CKM: variants seen among roughly 807,000 people sequenced by gnomAD.
CKM encodes creatine kinase, M-type.
CKM carries 28 observed loss-of-function variants against 35.4 expected under a neutral mutation model. The observed-to-expected ratio is 0.79, with a 90% CI of 0.59 to 1.08. The LOEUF (loss-of-function observed/expected upper bound fraction) is 1.08. Among genes scored for constraint, CKM ranks in the 50% least tolerant of loss-of-function variants. CKM has a pLI of 0.00. For missense variants in CKM, 484 were observed against 509.8 expected, an observed-to-expected ratio of 0.95 and a Z score of 0.49; for synonymous variants, 215 against 204.4, an observed-to-expected ratio of 1.05 and a Z score of -0.44.
At chr19:45,311,314 A>G (rs1454169440) in intron 5 of CKM, among the ~76,000 whole-genome samples, 4 of 150,504 alleles carry the variant, frequency 2.7e-5, no homozygotes, top group African/African-American at 9.8e-5. Flanking sequence ...GCTCACTGCA[A>G]CCTCCGCCAC....
rs372500800 is a variant in CKM, at chr19:45,316,414, T to C, written c.349-817A>G. ...CCTGGGCTCAAACAGTCCTCCTGCC[T>C]CAGCCTCCCAACGTGATGGGATTAC... On this transcript the variant is annotated intron_variant, in intron 3 of 7. Coordinates refer to ENST00000221476, the MANE Select transcript of CKM (RefSeq NM_001824.5). 6.8e-4 allele frequency among the ~76,000 whole-genome samples: 102 copies of C among 151,078 alleles called. 1 individual carries two copies. The East Asian group carries it at 0.01, about 15-fold the overall frequency.
chr19:45,320,516 ATCCGGAG>A (rs1971203761), intron 1 of CKM, among the ~76,000 whole-genome samples: 1 of 152,240 alleles, frequency 6.6e-6, no homozygotes, highest in Non-Finnish European at 1.5e-5. Flanking sequence ...GCAGGAAGGC[ATCCGGAG>A]TCTTAGATCA....
chr19:45,308,596 CT>C, intron 5 of CKM, 64 bp from the exon 6 acceptor site: 1 of 1,609,534 alleles, frequency 6.2e-7, no homozygotes, highest in Admixed American at 1.7e-5. Context: ...ATTCCCAGCC[CT>C]CCCCCAAAAC....
chr19:45,319,795 C>CT (rs372944853), intron 1 of CKM, 64 bp from the exon 2 acceptor site: 103,463 of 973,512 alleles, frequency 0.11, 18 homozygotes, highest in East Asian at 0.12. Context: ...TCTTCTTCTT[C>CT]TTTTTTTTTT....
At position 45,319,466 on chromosome 19, in the gene CKM, G is replaced by A. The variant is rs561239872; in HGVS notation, c.193+55C>T. 122 of 1,454,622 alleles carry A rather than the reference G, an allele frequency of 8.4e-5. No individual in the cohort carries two copies. The South Asian group carries it at 1.2e-3, about 14-fold the overall frequency. 90.1% of individuals were successfully genotyped at this position (1,454,622 alleles called of 1,614,324 possible). On this transcript the variant is annotated intron_variant, in intron 2 of 7. Transcript: ENST00000221476. ...AGGGTGGTGGGATTGGGGCATGGCCGGCAGCCTCCAGAGCCCCCATGTAGC... is the reference window on the plus strand; with the variant it reads ...AGGGTGGTGGGATTGGGGCATGGCCAGCAGCCTCCAGAGCCCCCATGTAGC...
Position 45,317,914 on chromosome 19 carries a change from C to G in CKM, c.259G>C (p.Glu87Gln). The change falls in exon 3 of 8, where the codon GAA becomes CAA. Residue 87 changes from glutamate (E) to glutamine (Q), a missense_variant. Glu to Gln is a conservative substitution (Grantham distance 29). Transcript: ENST00000221476. ...GDEESYEVFK[E>Q]LFDPIISDRH... Reference sequence around the variant, plus strand: ...TCCGAGATGATGGGGTCAAAGAGTTCCTTGAAAACTTCGTAGGACTCCTCA... The same window carrying G: ...TCCGAGATGATGGGGTCAAAGAGTTGCTTGAAAACTTCGTAGGACTCCTCA... 1 of 1,613,834 alleles carries G rather than the reference C, an allele frequency of 6.2e-7. No individual in the cohort carries two copies. Among genetic ancestry groups the G allele is most frequent in the East Asian group, 2.2e-5 (1 of 44,876 alleles).
At chr19:45,319,763 G>A (rs767923284) in intron 1 of CKM, 32 bp from the exon 2 acceptor site, 4 of 1,519,558 alleles carry the variant, frequency 2.6e-6, no homozygotes, top group Non-Finnish European at 1.8e-6. Context: ...GAAGATTGAA[G>A]ATTAGCTGGC....
Position 45,308,479 on chromosome 19 carries a change from C to T in CKM, c.707G>A (p.Arg236Gln), listed in dbSNP as rs367853842. ...GCCCCCCTTCTCCATGGAGATGACC[C>T]GGAGGTGATCCTCCTCGTTCACCCA... ...LVWVNEEDHLRVISMEKGGNM... is the reference protein window; with the variant it reads ...LVWVNEEDHLQVISMEKGGNM... The change falls in exon 6 of 8, where the codon CGG (arginine) becomes CAG (glutamine). Residue 236 changes from arginine to glutamine, a missense_variant. Coordinates refer to ENST00000221476, the MANE Select transcript of CKM (RefSeq NM_001824.5). 9 of 1,614,054 alleles carry T rather than the reference C, an allele frequency of 5.6e-6. No individual in the cohort carries two copies. Among genetic ancestry groups the T allele is most frequent in the Non-Finnish European group, 7.6e-6 (9 of 1,179,950 alleles).
rs369175692 is a variant in CKM, at chr19:45,316,457, CCTA to C, written c.349-863_349-861del. Among the ~76,000 whole-genome samples, 18 of 152,016 alleles carry C rather than the reference CCTA, an allele frequency of 1.2e-4. No individual in the cohort carries two copies. In the South Asian group the frequency reaches 3.7e-3, roughly 32 times the overall value. On this transcript the variant is annotated intron_variant, in intron 3 of 7. Transcript: ENST00000221476. ...GGGATTACAGGCATGAGCCACCATG[CCTA>C]GCTAAATTTTTAGGCTTTTTTTTTT...
chr19:45,313,646 A>C (rs1971130234), intron 4 of CKM, among the ~76,000 whole-genome samples: 1 of 152,188 alleles, frequency 6.6e-6, no homozygotes, highest in South Asian at 2.1e-4. Context: ...CAGGAGTTTG[A>C]GACCAGCCTG....
chr19:45,308,070 T>C (rs1678459289), intron 6 of CKM, among the ~76,000 whole-genome samples: 2 of 152,116 alleles, frequency 1.3e-5, no homozygotes, highest in Non-Finnish European at 2.9e-5. Flanking sequence ...AGACGGGGTT[T>C]CACCATGTTG....
At chr19:45,310,681 T>C (rs1193196238) in intron 5 of CKM, among the ~76,000 whole-genome samples, 1 of 149,310 alleles carries the variant, frequency 6.7e-6, no homozygotes, top group Non-Finnish European at 1.5e-5. Context: ...TGATTCACAG[T>C]AACCTCAATC....
chr19:45,315,849 C>CTTTTTTTTTTTTTTTTTT lies in CKM; in HGVS notation c.349-253_349-252insAAAAAAAAAAAAAAAAAA, dbSNP rs376961493. On this transcript the variant is annotated intron_variant, in intron 3 of 7. Transcript: ENST00000221476. ...TCCCCATCTTCGTATATTTCTTTTC[C>CTTTTTTTTTTTTTTTTTT]TTTTTTTTCTTCGAGACAGGGTCTC... Among the ~76,000 whole-genome samples, 9 of 135,676 alleles carry CTTTTTTTTTTTTTTTTTT rather than the reference C, an allele frequency of 6.6e-5. 1 individual carries two copies. The South Asian group carries it at 7.0e-4, about 11-fold the overall frequency. 89.0% of individuals were successfully genotyped at this position (135,676 alleles called of 152,430 possible). A position where few individuals can be genotyped will look rare whatever the true frequency, so the allele number is the denominator to read the frequency against.
chr19:45,311,233 C>A (rs1487093162), intron 5 of CKM, among the ~76,000 whole-genome samples: 6 of 146,580 alleles, frequency 4.1e-5, no homozygotes, highest in Non-Finnish European at 9.0e-5. Context: ...TAAGTTCTTT[C>A]TTTTTTGTTT....
At chr19:45,310,051 A>G (rs1158351128) in intron 5 of CKM, among the ~76,000 whole-genome samples, 1 of 150,676 alleles carries the variant, frequency 6.6e-6, no homozygotes, top group Non-Finnish European at 1.5e-5. Context: ...TAGCAATAAT[A>G]CTTTATAATA....
In CKM at chr19:45,306,971, G is replaced by T. The variant is rs376269512; in HGVS notation, c.968-43C>A. ...AGGGGCGTGAAGAGGCAGCGAAGGT[G>T]CAGAGGGGCTGGGACGTGGCCCCCG... is the stretch of plus-strand genomic sequence containing the variant. On this transcript the variant is annotated intron_variant, in intron 7 of 7. Transcript: ENST00000221476. The surrounding 1 kb of genome is among the most constrained non-coding windows in gnomAD (Gnocchi z 4.5). 42 of 1,604,740 alleles carry T rather than the reference G, an allele frequency of 2.6e-5. No homozygotes were observed. The highest frequency in any genetic ancestry group is 3.4e-5 in the Non-Finnish European group (40 of 1,175,612).
At position 45,306,603 on chromosome 19, in the gene CKM, G is replaced by T. The variant is rs1274610470; in HGVS notation, c.*147C>A. ...GAGCCCATTGGTTGGAACTCTGGTTGAAACTGGAACTCTGAGAAGGGTGGA... is the reference window on the plus strand; with the variant it reads ...GAGCCCATTGGTTGGAACTCTGGTTTAAACTGGAACTCTGAGAAGGGTGGA... On this transcript the variant is annotated 3_prime_UTR_variant, in exon 8 of 8. Transcript: ENST00000221476. This position sits in a 1 kb window ranked among gnomAD's most constrained non-coding sequence, Gnocchi z 4.5. 1.3e-6 allele frequency: 1 copy of T among 793,888 alleles called. No individual in the cohort carries two copies. The highest frequency in any genetic ancestry group is 2.1e-6 in the Non-Finnish European group (1 of 476,042). The allele number at this position is 793,888 out of a possible 1,614,324, so 49.2% of individuals were successfully genotyped here.
At chr19:45,310,832 A>G (rs1971101871) in intron 5 of CKM, among the ~76,000 whole-genome samples, 1 of 120,942 alleles carries the variant, frequency 8.3e-6, no homozygotes, top group Non-Finnish European at 1.6e-5. Context: ...GTGCAGTGGC[A>G]CGATCTCAGC....
At position 45,319,678 on chromosome 19, in the gene CKM, C is replaced by A. The variant is rs1408159384; in HGVS notation, c.36G>T (p.Leu12=). The A allele has an allele frequency of 6.2e-7, 1 of 1,614,218 alleles. No individual in the cohort carries two copies. Among genetic ancestry groups the A allele is most frequent in the Admixed American group, 1.7e-5 (1 of 60,012 alleles). Residue 12 remains leucine, a synonymous_variant, in exon 2 of 8, where the codon CTG becomes CTT. Coordinates refer to ENST00000221476, the MANE Select transcript of CKM (RefSeq NM_001824.5). ...PFGNTHNKFK[L]NYKPEEEYPD... is the part of the protein sequence containing the mutation. ...GGTACTCCTCCTCAGGCTTGTAATT[C>A]AGCTTGAACTTGTTGTGGGTGTTAC...
Sources: allele counts gnomAD v4.1 joint callset (sites outside exome capture counted in the v4.1 genomes callset), GRCh38; gene constraint gnomAD v4.1.1; non-coding constraint Gnocchi (gnomAD v3.1); transcripts MANE v1.5; gene names NCBI Gene and HGNC (gene_info 2026-07-23, HGNC 2026-07-21).